Variants in EXOC4 observed in about 807,000 individuals in gnomAD.
EXOC4 encodes the protein exocyst complex component 4, also known as SEC8-like 1.
Under a neutral mutation model 107.2 loss-of-function variants are expected in EXOC4, and 71 were observed. The observed-to-expected ratio is 0.66, with a 90% CI of 0.55 to 0.81. EXOC4 has a LOEUF of 0.81. Among genes scored for constraint, EXOC4 ranks in the 30% least tolerant of loss-of-function variants. The pLI, the probability that EXOC4 is intolerant of heterozygous loss-of-function variation, is 0.00. For synonymous variants in EXOC4, 456 were observed against 441.2 expected (o/e 1.03, Z -0.42); for missense variants, 1,108 against 1,189.6 (o/e 0.93, Z 1.01).
chr7:133,708,528 A>T (rs1794816946), intron 10 of EXOC4, among the ~76,000 whole-genome samples: 2 of 152,230 alleles, frequency 1.3e-5, no homozygotes, highest in African/African-American at 4.8e-5. Context: ...CAGAACAGAC[A>T]AGATTCCCTG....
intron 10 of EXOC4, among the ~76,000 whole-genome samples, chr7:133,703,023 C>T (rs947340252): frequency 1.3e-5 from 2 of 152,218 alleles, no homozygotes; most frequent in Non-Finnish European, 2.9e-5. Flanking sequence ...ATTTCTTTAA[C>T]ATCCACTTCT....
At chr7:133,556,785 G>A (rs758960851) in intron 9 of EXOC4, among the ~76,000 whole-genome samples, 1 of 152,168 alleles carries the variant, frequency 6.6e-6, no homozygotes, top group Non-Finnish European at 1.5e-5. Context: ...AGGAGTGGGA[G>A]AGTTCAATAT....
At chr7:133,990,059 A>G (rs1794215176) in intron 14 of EXOC4, among the ~76,000 whole-genome samples, 1 of 152,220 alleles carries the variant, frequency 6.6e-6, no homozygotes, top group African/African-American at 2.4e-5. Context: ...ATAAATGTAT[A>G]CAATGTATAA....
chr7:133,626,370 T>A (rs569994312), intron 9 of EXOC4, among the ~76,000 whole-genome samples: 4 of 152,224 alleles, frequency 2.6e-5, no homozygotes, highest in Non-Finnish European at 5.9e-5. Flanking sequence ...CCTTTACTTT[T>A]GTTTCTGACA....
In EXOC4 at chr7:133,773,470, A is replaced by G. The variant is rs1297964535; in HGVS notation, c.1515-43855A>G. ...TCTGTGTATTTACTAGGTTTTTATT[A>G]TTATTATTATTATTATTATTATTTT... On this transcript the variant is annotated intron_variant, in intron 10 of 17. Transcript: ENST00000253861. Among the ~76,000 whole-genome samples the G allele has an allele frequency of 4.8e-5, 7 of 147,214 alleles. No individual in the cohort carries two copies. In the East Asian group the frequency reaches 1.2e-3, roughly 25 times the overall value.
chr7:133,879,887 T>G (rs1798928690), intron 11 of EXOC4, among the ~76,000 whole-genome samples: 1 of 152,230 alleles, frequency 6.6e-6, no homozygotes, highest in Admixed American at 6.5e-5. Flanking sequence ...TCTGTCCAGC[T>G]GCAGAAAACC....
At chr7:133,992,761 A>G (rs1794293957) in intron 14 of EXOC4, among the ~76,000 whole-genome samples, 1 of 148,328 alleles carries the variant, frequency 6.7e-6, no homozygotes. Context: ...ATCTTACCTA[A>G]TTGCTCTGGC....
chr7:133,984,303 T>C (rs1196784754), intron 14 of EXOC4, among the ~76,000 whole-genome samples: 2 of 152,204 alleles, frequency 1.3e-5, no homozygotes, highest in African/African-American at 4.8e-5. Flanking sequence ...ATTTCTACTT[T>C]GGCTGTTATT....
intron 7 of EXOC4, among the ~76,000 whole-genome samples, chr7:133,432,578 C>T (rs1797880180): frequency 6.6e-6 from 1 of 152,136 alleles, no homozygotes; most frequent in Non-Finnish European, 1.5e-5. Context: ...TAGGATTTAA[C>T]TGGTATGTGG....
At chr7:134,025,598 CT>C (rs960810919) in intron 17 of EXOC4, among the ~76,000 whole-genome samples, 23 of 152,180 alleles carry the variant, frequency 1.5e-4, no homozygotes, top group African/African-American at 4.8e-4. Context: ...CCTCATCTGT[CT>C]GGTGATTTGG....
intron 14 of EXOC4, among the ~76,000 whole-genome samples, chr7:133,942,478 T>TA (rs1351093749): frequency 2.6e-5 from 4 of 152,178 alleles, no homozygotes; most frequent in African/African-American, 9.6e-5. Context: ...TGAATTGCAG[T>TA]ATTAGTTATA....
intron 17 of EXOC4, among the ~76,000 whole-genome samples, chr7:134,063,902 A>G (rs927123929): frequency 4.6e-5 from 7 of 152,216 alleles, no homozygotes; most frequent in African/African-American, 1.7e-4. Context: ...ACCTCCAATG[A>G]ATAATGAATG....
intron 7 of EXOC4, among the ~76,000 whole-genome samples, chr7:133,393,151 T>G (rs531828841): frequency 1.3e-5 from 2 of 152,324 alleles, no homozygotes; most frequent in African/African-American, 4.8e-5. Flanking sequence ...CTATGAAGCA[T>G]CCATTGATCA....
chr7:133,549,844 T>G (rs1018076415), intron 9 of EXOC4, among the ~76,000 whole-genome samples: 2 of 152,186 alleles, frequency 1.3e-5, no homozygotes, highest in Admixed American at 6.6e-5. Flanking sequence ...TACATAAAAG[T>G]CTAGTAACCT....
intron 17 of EXOC4, among the ~76,000 whole-genome samples, chr7:134,030,316 G>C (rs537999163): frequency 6.6e-6 from 1 of 152,282 alleles, no homozygotes; most frequent in Admixed American, 6.5e-5. Context: ...TAGCCAAAAG[G>C]TAGAAACAAC....
At chr7:134,016,545 C>G (rs1794912986) in intron 17 of EXOC4, among the ~76,000 whole-genome samples, 3 of 152,216 alleles carry the variant, frequency 2.0e-5, no homozygotes, top group Admixed American at 2.0e-4. Context: ...CTCACGTTAA[C>G]TTCTCCAACT....
At position 134,051,621 on chromosome 7, in the gene EXOC4, G is replaced by A. The variant is rs182718295; in HGVS notation, c.2688-12670G>A. ...GGAGGGGCAGAGGTTGCAGTGAGCCGAGATCGCGCCGCTGCACTCCAGCCT... is the reference window on the plus strand; with the variant it reads ...GGAGGGGCAGAGGTTGCAGTGAGCCAAGATCGCGCCGCTGCACTCCAGCCT... On this transcript the variant is annotated intron_variant, in intron 17 of 17. Transcript: ENST00000253861. 4.9e-4 allele frequency among the ~76,000 whole-genome samples: 73 copies of A among 149,898 alleles called. No homozygotes were observed. The East Asian group carries it at 0.011, about 23-fold the overall frequency.
chr7:133,787,502 C>T (rs1796599747), intron 10 of EXOC4, among the ~76,000 whole-genome samples: 1 of 151,938 alleles, frequency 6.6e-6, no homozygotes, highest in African/African-American at 2.4e-5. Flanking sequence ...GTTAAAGAGA[C>T]AGGCTTACTG....
chr7:133,731,415 T>A (rs184055086), intron 10 of EXOC4, among the ~76,000 whole-genome samples: 4 of 152,256 alleles, frequency 2.6e-5, no homozygotes, highest in South Asian at 2.1e-4. Flanking sequence ...GGCTTTTTTT[T>A]AAGTAATAGG....
Sources: gnomAD v4.1 joint callset for allele counts (sites outside exome capture counted in the v4.1 genomes callset) on GRCh38, gnomAD v4.1.1 for gene constraint, MANE v1.5 for transcripts, NCBI Gene and HGNC (gene_info 2026-07-23, HGNC 2026-07-21) for gene names.